The following ATP8B4 variants were observed in gnomAD, a reference collection of about 807,000 sequenced individuals.
The protein encoded by ATP8B4 is probable phospholipid-transporting ATPase IM.
In ATP8B4, 133 loss-of-function variants were observed where a neutral mutation model predicts 145.6. The ratio of observed to expected loss-of-function variants is 0.91; its 90% CI spans 0.79 to 1.05. The LOEUF (loss-of-function observed/expected upper bound fraction) is 1.05, where lower values mean the gene tolerates loss of function less well. Among genes scored for constraint, ATP8B4 ranks in the 50% least tolerant of loss-of-function variants. The probability of loss-of-function intolerance (pLI) is 0.00; values close to 1 mark genes in which losing one functional copy is unlikely to be tolerated. For missense variants in ATP8B4, 1,458 were observed against 1,425.2 expected (o/e 1.02, Z -0.37); for synonymous variants, 507 against 492.9 (o/e 1.03, Z -0.38).
intron 6 of ATP8B4, among the ~76,000 whole-genome samples, chr15:50,034,089 T>C (rs955507473): frequency 6.6e-6 from 1 of 152,122 alleles, no homozygotes; most frequent in African/African-American, 2.4e-5. Flanking sequence ...AGTAATGAAA[T>C]TGCTGGGTCA....
intron 14 of ATP8B4, among the ~76,000 whole-genome samples, chr15:49,945,871 T>C (rs2042523590): frequency 1.3e-5 from 2 of 152,106 alleles, no homozygotes; most frequent in Admixed American, 6.5e-5. Flanking sequence ...AGTCCATATA[T>C]GAAAAACCCA....
chr15:50,163,918 A>G (rs191453469), intron 1 of ATP8B4, among the ~76,000 whole-genome samples: 251 of 152,200 alleles, frequency 1.6e-3, no homozygotes, highest in African/African-American at 5.3e-3. Flanking sequence ...CCACTGTCTC[A>G]GGCTCATGGA....
intron 17 of ATP8B4, among the ~76,000 whole-genome samples, chr15:49,920,694 G>A (rs2040181793): frequency 6.6e-6 from 1 of 152,290 alleles, no homozygotes; most frequent in South Asian, 2.1e-4. Context: ...GGTGATCAGT[G>A]ACACCCATGA....
At chr15:50,048,274 G>A (rs1328889384) in intron 3 of ATP8B4, among the ~76,000 whole-genome samples, 1 of 152,002 alleles carries the variant, frequency 6.6e-6, no homozygotes, top group Non-Finnish European at 1.5e-5. Flanking sequence ...CTTGTCGGGG[G>A]GCACTTAGTC....
In ATP8B4 at chr15:49,897,316, A is replaced by T; in HGVS notation, c.2673T>A (p.Gly891=). Reference sequence around the variant, plus strand: ...CCTGGGCTGAGAAACCACAGAAGAAACCAAACCAGAAATGCACAAGTGTAA... The same window carrying T: ...CCTGGGCTGAGAAACCACAGAAGAATCCAAACCAGAAATGCACAAGTGTAA... ...FAFTLVHFWF[G]FFCGFSAQTV... The change falls in exon 23 of 28, where the codon GGT becomes GGA. Residue 891 remains glycine (G), a synonymous_variant. Transcript: ENST00000284509. 6.2e-7 allele frequency: 1 copy of T among 1,611,978 alleles called. No homozygotes were observed. The highest frequency in any genetic ancestry group is 1.3e-5 in the African/African-American group (1 of 74,804).
chr15:49,871,548 C>T (rs1030972843), intron 25 of ATP8B4, among the ~76,000 whole-genome samples: 3 of 152,220 alleles, frequency 2.0e-5, no homozygotes, highest in Admixed American at 6.5e-5. Flanking sequence ...ATACAGGTCT[C>T]TTACAGCTGC....
chr15:49,908,926 C>A (rs1224861035), intron 20 of ATP8B4, among the ~76,000 whole-genome samples: 1 of 152,166 alleles, frequency 6.6e-6, no homozygotes, highest in African/African-American at 2.4e-5. Flanking sequence ...TCCCAGCCAC[C>A]TGCCTAAGGC....
intron 1 of ATP8B4, among the ~76,000 whole-genome samples, chr15:50,131,365 C>G (rs910670759): frequency 2.0e-5 from 3 of 152,116 alleles, no homozygotes; most frequent in African/African-American, 7.2e-5. Context: ...GATAAAGAAT[C>G]AGAGAAACAG....
chr15:50,086,678 T>C (rs1208893947), intron 2 of ATP8B4, among the ~76,000 whole-genome samples: 1 of 110,586 alleles, frequency 9.0e-6, no homozygotes, highest in Non-Finnish European at 1.6e-5. Flanking sequence ...ATATTTATTA[T>C]ATATAATAAA....
intron 14 of ATP8B4, among the ~76,000 whole-genome samples, chr15:49,946,705 G>T (rs538244254): frequency 1.6e-4 from 24 of 151,874 alleles, no homozygotes; most frequent in Admixed American, 1.3e-3. Flanking sequence ...CCTTGCCCAG[G>T]ATCTCTAAGT....
rs2038779340 is a variant in ATP8B4 at position 49,907,746 on chromosome 15, T to C, written c.2142-6507A>G. 2.0e-5 allele frequency among the ~76,000 whole-genome samples: 3 copies of C among 152,356 alleles called. No individual in the cohort carries two copies. The South Asian group carries it at 6.2e-4, about 32-fold the overall frequency. ...AAAAGTTTCCCACTCAGCCTAAGCATGAAGCTGAGATTCCAACTTGAATCC... is the reference window on the plus strand; with the variant it reads ...AAAAGTTTCCCACTCAGCCTAAGCACGAAGCTGAGATTCCAACTTGAATCC... On this transcript the variant is annotated intron_variant, in intron 20 of 27. Transcript: ENST00000284509.
At position 49,879,373 on chromosome 15, in the gene ATP8B4, T is replaced by C; in HGVS notation, c.2781+3A>G. On this transcript the variant is annotated splice_donor_region_variant and intron_variant, in intron 24 of 27. Coordinates refer to ENST00000284509, the MANE Select transcript of ATP8B4 (RefSeq NM_024837.4). ...AAGTTATAAAGATGGAAAAAAAACA[T>C]ACCTGGTCAAAAATCCCCATGGCTA... 4 of 1,605,966 alleles carry C rather than the reference T, an allele frequency of 2.5e-6. No homozygotes were observed. The highest frequency in any genetic ancestry group is 3.4e-6 in the Non-Finnish European group (4 of 1,175,366).
intron 9 of ATP8B4, among the ~76,000 whole-genome samples, chr15:49,992,257 A>G (rs1489254919): frequency 6.6e-6 from 1 of 152,164 alleles, no homozygotes; most frequent in Non-Finnish European, 1.5e-5. Flanking sequence ...TTAGGGCCTG[A>G]GAACTTTAGG....
chr15:49,917,876 T>C (rs1028246697), intron 19 of ATP8B4, among the ~76,000 whole-genome samples: 6 of 152,182 alleles, frequency 3.9e-5, no homozygotes, highest in African/African-American at 1.4e-4. Flanking sequence ...TCATGGATAT[T>C]AGTAATAATA....
intron 1 of ATP8B4, among the ~76,000 whole-genome samples, chr15:50,165,418 T>A (rs1296315933): frequency 6.6e-6 from 1 of 152,196 alleles, no homozygotes; most frequent in Non-Finnish European, 1.5e-5. Context: ...GTTTTTTTGT[T>A]TTTCTTATGA....
rs1185932009 is a variant in ATP8B4 at position 49,879,369 on chromosome 15, A to T, written c.2781+7T>A. The T allele has an allele frequency of 6.2e-7, 1 of 1,605,116 alleles. No homozygotes were observed. Among genetic ancestry groups the T allele is most frequent in the Non-Finnish European group, 8.5e-7 (1 of 1,174,714 alleles). On this transcript the variant is annotated splice_region_variant and intron_variant, in intron 24 of 27. Coordinates refer to ENST00000284509, the MANE Select transcript of ATP8B4 (RefSeq NM_024837.4). ...AACTAAGTTATAAAGATGGAAAAAA[A>T]ACATACCTGGTCAAAAATCCCCATG...
At chr15:50,123,756 G>GAACC (rs1289369252), upstream of ATP8B4, among the ~76,000 whole-genome samples, 1 of 152,138 alleles carries the variant, frequency 6.6e-6, no homozygotes, top group Non-Finnish European at 1.5e-5. Flanking sequence ...CAGGCAATGA[G>GAACC]AACCCACTGG....
rs1037687424 is a variant in ATP8B4, at chr15:50,031,963, A to G, written c.362+6805T>C. 2.6e-5 allele frequency among the ~76,000 whole-genome samples: 4 copies of G among 152,232 alleles called. No homozygotes were observed. The South Asian group carries it at 6.2e-4, about 24-fold the overall frequency. ...ATTATTGTAATATAAAACGTATTCA[A>G]ATTGTTTTAAATTGTTACTGTTTGG... On this transcript the variant is annotated intron_variant, in intron 6 of 27. Transcript: ENST00000284509.
chr15:49,880,836 GGT>G (rs1472954686), intron 23 of ATP8B4: 2 of 150,910 alleles, frequency 1.3e-5, no homozygotes, highest in Non-Finnish European at 2.9e-5. Context: ...AAGCCGGCCA[GGT>G]GTGGTGGCTC....
Sources: gnomAD v4.1 joint callset for allele counts (sites outside exome capture counted in the v4.1 genomes callset) on GRCh38, gnomAD v4.1.1 for gene constraint, MANE v1.5 for transcripts, NCBI Gene and HGNC (gene_info 2026-07-23, HGNC 2026-07-21) for gene names.